The following TANC1 variants were observed in gnomAD, a reference collection of about 807,000 sequenced individuals.
TANC1 encodes the protein tetratricopeptide repeat, ankyrin repeat and coiled-coil containing 1.
A neutral mutation model predicts 149.7 loss-of-function variants in TANC1; 77 were observed. The observed-to-expected ratio is 0.51, with a 90% confidence interval of 0.43 to 0.62. TANC1 has a LOEUF of 0.62. Among genes scored for constraint, TANC1 ranks in the 20% least tolerant of loss-of-function variants. The probability of loss-of-function intolerance (pLI) is 0.00; values close to 1 mark genes in which losing one functional copy is unlikely to be tolerated. For missense variants in TANC1, 1,985 were observed against 2,321.8 expected (o/e 0.85, Z 2.98); for synonymous variants, 854 against 925.0 (o/e 0.92, Z 1.39).
At chr2:159,116,317 C>T (rs966891225) in intron 4 of TANC1, among the ~76,000 whole-genome samples, 12 of 152,030 alleles carry the variant, frequency 7.9e-5, no homozygotes, top group African/African-American at 2.9e-4. Flanking sequence ...ATCCCAGCTA[C>T]TCAGGAGGCT....
chr2:158,982,436 A>G (rs2034487608), intron 1 of TANC1, among the ~76,000 whole-genome samples: 1 of 152,210 alleles, frequency 6.6e-6, no homozygotes, highest in Non-Finnish European at 1.5e-5. Context: ...ACCTGTTTCT[A>G]TGTCTGTAGA....
At chr2:159,183,289 T>C (rs186917322) in intron 14 of TANC1, among the ~76,000 whole-genome samples, 2 of 152,320 alleles carry the variant, frequency 1.3e-5, no homozygotes, top group African/African-American at 4.8e-5. Flanking sequence ...GTTTTAGTTT[T>C]CAGCAGTTGA....
chr2:159,207,228 T>C (rs1457393775), intron 19 of TANC1, among the ~76,000 whole-genome samples: 1 of 152,176 alleles, frequency 6.6e-6, no homozygotes, highest in Non-Finnish European at 1.5e-5. Flanking sequence ...GTGGCCAGAA[T>C]TAGAGGGGAA....
rs757864877 is a variant in TANC1 at position 159,228,901 on chromosome 2, C to T, written c.4151+5C>T. ...AAGAGCGAAGAGAAATAGCAGGTAC[C>T]GTCTGTGGTTATCTTTGTGTCTAGA... On this transcript the variant is annotated splice_donor_5th_base_variant and intron_variant, in intron 26 of 26. Transcript: ENST00000263635. The T allele has an allele frequency of 2.4e-5, 38 of 1,608,620 alleles. 1 individual carries two copies. The highest frequency in any genetic ancestry group is 1.6e-4 in the Middle Eastern group (1 of 6,076).
chr2:159,035,532 G>A lies in TANC1; in HGVS notation c.-15-30364G>A, dbSNP rs569159785. Among the ~76,000 whole-genome samples the A allele has an allele frequency of 4.6e-5, 7 of 152,312 alleles. No homozygotes were observed. The South Asian group carries it at 1.2e-3, about 27-fold the overall frequency. On this transcript the variant is annotated intron_variant, in intron 2 of 26. Coordinates refer to ENST00000263635, the MANE Select transcript of TANC1 (RefSeq NM_033394.3). ...ACAACAACAAAAATCTCAAGGCATAGTTTCTTTTCTGCGTCTGATAGGTGA... is the reference window on the plus strand; with the variant it reads ...ACAACAACAAAAATCTCAAGGCATAATTTCTTTTCTGCGTCTGATAGGTGA...
Position 159,228,883 on chromosome 2 carries a change from A to G in TANC1, c.4138A>G (p.Lys1380Glu), listed in dbSNP as rs1390638570. 6.2e-7 allele frequency: 1 copy of G among 1,613,718 alleles called. No individual in the cohort carries two copies. Among genetic ancestry groups the G allele is most frequent in the Admixed American group, 1.7e-5 (1 of 60,026 alleles). Residue 1380 changes from lysine to glutamate, a missense_variant, in exon 26 of 27, where the codon AAG (lysine) becomes GAG (glutamate). Lys to Glu is a moderately conservative substitution (Grantham distance 56, BLOSUM62 1). This residue lies in a region of TANC1 where 920 missense variants were observed against 994.7 expected (regional missense o/e 0.92). Transcript: ENST00000263635. ...AGCCTTTTATGCCAGAGCAAGAGCG[A>G]AGAGAAATAGCAGGTACCGTCTGTG... ...YEAFYARARA[K>E]RNSRQFVAAL... is the part of the protein sequence containing the mutation.
intron 13 of TANC1, 124 bp downstream of exon 13, chr2:159,176,642 G>C: frequency 1.3e-6 from 1 of 770,448 alleles, no homozygotes; most frequent in Non-Finnish European, 2.0e-6. Context: ...TTAAGAATTT[G>C]AAAAACTAGT....
Position 159,097,811 on chromosome 2 carries a change from C to T in TANC1, c.236C>T (p.Ser79Leu), listed in dbSNP as rs776193769. 1 of 1,612,978 alleles carries T rather than the reference C, an allele frequency of 6.2e-7. No homozygotes were observed. The highest frequency in any genetic ancestry group is 1.3e-5 in the African/African-American group (1 of 74,986). ...LLPRQSHLVQ[S>L]RVNKKSPGPV... ...CCTCGACAGTCTCACTTGGTGCAAT[C>T]AAGAGTGAACAAAAAATCCCCAGGT... The change falls in exon 4 of 27, where the codon TCA becomes TTA. Residue 79 changes from serine (S) to leucine (L), a missense_variant. This residue lies in a region of TANC1 where 557 missense variants were observed against 612.9 expected (regional missense o/e 0.91). Transcript: ENST00000263635.
intron 2 of TANC1, among the ~76,000 whole-genome samples, chr2:159,054,848 TC>T (rs1159612644): frequency 6.6e-6 from 1 of 152,176 alleles, no homozygotes; most frequent in African/African-American, 2.4e-5. Context: ...CTTACAGTGG[TC>T]TTAGGAACAA....
intron 4 of TANC1, among the ~76,000 whole-genome samples, chr2:159,130,925 CT>C (rs2150159238): frequency 6.6e-6 from 1 of 152,212 alleles, no homozygotes; most frequent in East Asian, 1.9e-4. Context: ...TCCTTGGCTC[CT>C]TATTTGTATA....
rs758306801 is a variant in TANC1, at chr2:159,099,497, C to CA, written c.259+1674dup. ...CCCCTGAATTAGTGGGTATATTGAC[C>CA]AAAAAAAAAAACAAAACAAAACAAA... On this transcript the variant is annotated intron_variant, in intron 4 of 26. Coordinates refer to ENST00000263635, the MANE Select transcript of TANC1 (RefSeq NM_033394.3). Among the ~76,000 whole-genome samples the CA allele has an allele frequency of 6.4e-3, 886 of 137,814 alleles. 6 individuals are homozygous for CA. The highest frequency in any genetic ancestry group is 0.011 in the Middle Eastern group (3 of 272). 90.4% of individuals were successfully genotyped at this position (137,814 alleles called of 152,430 possible).
At chr2:159,227,313 G>A (rs948119865) in intron 24 of TANC1, 2 of 153,436 alleles carry the variant, frequency 1.3e-5, no homozygotes, top group African/African-American at 4.8e-5. Flanking sequence ...AAAATGATGT[G>A]TGGTGCTGTT....
chr2:159,186,150 C>G (rs1442317599), intron 15 of TANC1, among the ~76,000 whole-genome samples: 1 of 152,196 alleles, frequency 6.6e-6, no homozygotes, highest in African/African-American at 2.4e-5. Context: ...TACTTCTTTC[C>G]ACCTTTAAAT....
At chr2:159,016,936 G>A (rs1354884943) in intron 2 of TANC1, among the ~76,000 whole-genome samples, 1 of 152,164 alleles carries the variant, frequency 6.6e-6, no homozygotes, top group East Asian at 1.9e-4. Context: ...TCCTTCCATT[G>A]CTGGTTTATG....
intron 2 of TANC1, among the ~76,000 whole-genome samples, chr2:159,052,013 G>A (rs1010522703): frequency 6.6e-6 from 1 of 152,118 alleles, no homozygotes; most frequent in African/African-American, 2.4e-5. Flanking sequence ...ATACAGCTGG[G>A]GAATGGCCTG....
chr2:159,043,901 T>TA (rs2040846265), intron 2 of TANC1, among the ~76,000 whole-genome samples: 2 of 152,222 alleles, frequency 1.3e-5, no homozygotes, highest in Admixed American at 1.3e-4. Context: ...CAGGTTGCCT[T>TA]ACCTCAAATG....
At chr2:159,040,246 C>T (rs1305793174) in intron 2 of TANC1, among the ~76,000 whole-genome samples, 1 of 152,034 alleles carries the variant, frequency 6.6e-6, no homozygotes, top group Admixed American at 6.6e-5. Context: ...CTGGGGGTTG[C>T]TCTTCTCAAG....
intron 2 of TANC1, among the ~76,000 whole-genome samples, chr2:159,057,800 A>G (rs1258449428): frequency 2.0e-5 from 3 of 152,202 alleles, no homozygotes; most frequent in Non-Finnish European, 4.4e-5. Flanking sequence ...AAGATGAAGA[A>G]GGCTTCGAAG....
At chr2:159,065,863 A>G in intron 2 of TANC1, 33 bp from the exon 3 acceptor site, 1 of 1,566,854 alleles carries the variant, frequency 6.4e-7, no homozygotes, top group Non-Finnish European at 8.8e-7. Flanking sequence ...TTCAATGTTT[A>G]ATTCCTCTTC....
Sources: allele counts gnomAD v4.1 joint callset (sites outside exome capture counted in the v4.1 genomes callset), GRCh38; gene constraint gnomAD v4.1.1; regional missense constraint gnomAD v4.1.1; transcripts MANE v1.5; gene names NCBI Gene and HGNC (gene_info 2026-07-23, HGNC 2026-07-21).